KCNN3: variants seen among roughly 807,000 people sequenced by gnomAD.
KCNN3 encodes the protein potassium calcium-activated channel subfamily N member 3, also known as small conductance calcium-activated potassium channel protein 3.
A neutral mutation model predicts 62.9 loss-of-function variants in KCNN3; 16 were observed. The observed-to-expected ratio is 0.25, with a 90% CI of 0.17 to 0.39. The LOEUF (loss-of-function observed/expected upper bound fraction) is 0.39. KCNN3 is among the 10% of genes least tolerant of loss of function. KCNN3 has a pLI of 1.00. For synonymous variants in KCNN3, 370 were observed against 389.2 expected (o/e 0.95, Z 0.58); for missense variants, 599 against 949.4 (o/e 0.63, Z 4.85).
At chr1:154,730,568 G>A (rs1229462320) in intron 4 of KCNN3, among the ~76,000 whole-genome samples, 3 of 152,182 alleles carry the variant, frequency 2.0e-5, no homozygotes, top group African/African-American at 7.2e-5. Flanking sequence ...AATCACATTT[G>A]TTAGAAAAAT....
chr1:154,714,062 GT>G (rs1557937791), intron 6 of KCNN3, among the ~76,000 whole-genome samples: 11 of 20,310 alleles, frequency 5.4e-4, no homozygotes, highest in African/African-American at 2.2e-3. Flanking sequence ...GTGTGTGTGT[GT>G]GTGGTGTTTG....
chr1:154,810,453 TTCC>T (rs386635664), intron 2 of KCNN3, among the ~76,000 whole-genome samples: 44,746 of 151,732 alleles, frequency 0.29, 8,724 homozygotes, highest in African/African-American at 0.57. Context: ...GACCCTAGCC[TTCC>T]TTGGGATCAG....
intron 1 of KCNN3, among the ~76,000 whole-genome samples, chr1:154,846,787 A>G (rs1169873591): frequency 3.9e-5 from 6 of 152,150 alleles, no homozygotes; most frequent in Non-Finnish European, 8.8e-5. Flanking sequence ...GCCTTTGGGG[A>G]CTGCCCTCTA....
chr1:154,812,032 T>G (rs1000162226), intron 2 of KCNN3, among the ~76,000 whole-genome samples: 1 of 152,190 alleles, frequency 6.6e-6, no homozygotes, highest in African/African-American at 2.4e-5. Context: ...CTGGCCCCCC[T>G]GCGGTGCTGT....
chr1:154,712,234 T>G (rs1700094527), intron 7 of KCNN3, among the ~76,000 whole-genome samples: 1 of 152,190 alleles, frequency 6.6e-6, no homozygotes, highest in African/African-American at 2.4e-5. Context: ...ATCCTTAGAA[T>G]AGATTTCTCC....
intron 1 of KCNN3, among the ~76,000 whole-genome samples, chr1:154,846,272 T>A (rs1344641829): frequency 6.6e-6 from 1 of 152,206 alleles, no homozygotes; most frequent in African/African-American, 2.4e-5. Context: ...CACCCTCCCC[T>A]TCCTGGTCTC....
chr1:154,733,202 G>A, intron 3 of KCNN3, 58 bp from the exon 4 acceptor site: 1 of 1,574,938 alleles, frequency 6.3e-7, no homozygotes, highest in Non-Finnish European at 8.7e-7. Flanking sequence ...AGTAAGGGCT[G>A]TGGGCAAACC....
In KCNN3 at chr1:154,772,414, A is replaced by C. The variant is rs1648602696; in HGVS notation, c.1030-21T>G. ...AAGAGCTGGTGGGAGCAGAAAGTCC[A>C]TTAGTGTGGCCAGGACCAGGAAGCC... On this transcript the variant is annotated intron_variant, in intron 2 of 7. Coordinates refer to ENST00000271915, the MANE Select transcript of KCNN3 (RefSeq NM_002249.6). This position sits in a 1 kb window ranked among gnomAD's most constrained non-coding sequence, Gnocchi z 5.6. The C allele has an allele frequency of 6.2e-7, 1 of 1,612,954 alleles. No homozygotes were observed. The highest frequency in any genetic ancestry group is 8.5e-7 in the Non-Finnish European group (1 of 1,179,612).
intron 3 of KCNN3, among the ~76,000 whole-genome samples, chr1:154,746,464 C>G (rs998572318): frequency 6.6e-6 from 1 of 152,152 alleles, no homozygotes; most frequent in Non-Finnish European, 1.5e-5. Context: ...AGCAGAACCC[C>G]GTGAACTCAC....
At chr1:154,778,565 C>G (rs1284263316) in intron 2 of KCNN3, among the ~76,000 whole-genome samples, 1 of 151,446 alleles carries the variant, frequency 6.6e-6, no homozygotes, top group Non-Finnish European at 1.5e-5. Context: ...TGCCTCTCTT[C>G]CAATCAAGAA....
At chr1:154,810,207 C>A (rs1037457607) in intron 2 of KCNN3, among the ~76,000 whole-genome samples, 1 of 152,166 alleles carries the variant, frequency 6.6e-6, no homozygotes, top group Admixed American at 6.5e-5. Flanking sequence ...GGAAGAGCTG[C>A]TGAAGCCTGA....
intron 5 of KCNN3, among the ~76,000 whole-genome samples, chr1:154,718,313 T>C (rs1700273935): frequency 1.3e-5 from 2 of 152,170 alleles, no homozygotes; most frequent in South Asian, 2.1e-4. Context: ...GGCCAGACAA[T>C]GGGCTCTATG....
intron 1 of KCNN3, chr1:154,859,738 C>A: frequency 6.2e-7 from 1 of 1,614,216 alleles, no homozygotes; most frequent in African/African-American, 1.3e-5. Context: ...AAACACCAAA[C>A]AACTGTCCTT....
intron 1 of KCNN3, among the ~76,000 whole-genome samples, chr1:154,830,487 T>C (rs1571318576): frequency 2.6e-5 from 4 of 152,334 alleles, no homozygotes; most frequent in Admixed American, 2.6e-4. Context: ...AGTGGTGTGA[T>C]AGATGGTGAA....
rs532191825 is a variant in KCNN3 at position 154,699,961 on chromosome 1, C to T, written c.*8015G>A. 1 of 152,066 alleles carries T rather than the reference C, an allele frequency of 6.6e-6. No individual in the cohort carries two copies. Among genetic ancestry groups the T allele is most frequent in the Non-Finnish European group, 1.5e-5 (1 of 68,000 alleles). The allele number at this position is 152,066 out of a possible 1,614,324, so 9.4% of individuals were successfully genotyped here. ...GATATGGAGTGCTATTTAGGTAAGA[C>T]CGGAAAAAGACTATCTCTTATTGAC... On this transcript the variant is annotated 3_prime_UTR_variant, in exon 8 of 8. Transcript: ENST00000271915.
chr1:154,756,489 C>G (rs550808789), intron 3 of KCNN3, among the ~76,000 whole-genome samples: 12 of 152,250 alleles, frequency 7.9e-5, no homozygotes, highest in Admixed American at 6.5e-4. Flanking sequence ...GCCACACCCC[C>G]CTTCATCTGT....
intron 2 of KCNN3, among the ~76,000 whole-genome samples, chr1:154,793,710 T>C (rs560755479): frequency 1.3e-5 from 2 of 152,168 alleles, no homozygotes; most frequent in Non-Finnish European, 2.9e-5. Context: ...TGCAGTGAAA[T>C]ACCTCTAAGA....
intron 2 of KCNN3, among the ~76,000 whole-genome samples, chr1:154,779,232 G>T (rs138480239): frequency 6.6e-6 from 1 of 152,172 alleles, no homozygotes; most frequent in Admixed American, 6.5e-5. Flanking sequence ...GTTTTGAGGT[G>T]CTTTGTTATG....
intron 5 of KCNN3, among the ~76,000 whole-genome samples, chr1:154,719,181 A>G (rs1700295161): frequency 6.6e-6 from 1 of 152,270 alleles, no homozygotes; most frequent in African/African-American, 2.4e-5. Flanking sequence ...CAGGGGTCCC[A>G]TTAGCAGAGC....
Sources: allele counts gnomAD v4.1 joint callset (sites outside exome capture counted in the v4.1 genomes callset), GRCh38; gene constraint gnomAD v4.1.1; non-coding constraint Gnocchi (gnomAD v3.1); transcripts MANE v1.5; gene names NCBI Gene and HGNC (gene_info 2026-07-23, HGNC 2026-07-21).